BSDC1: variants seen among roughly 807,000 people sequenced by gnomAD.
The protein encoded by BSDC1 is BSD domain-containing protein 1.
A neutral mutation model predicts 56.0 loss-of-function variants in BSDC1; 29 were observed. The ratio of observed to expected loss-of-function variants is 0.52; its 90% CI spans 0.39 to 0.71. The LOEUF is 0.71. Ranked by LOEUF, BSDC1 falls within the 30% of genes least tolerant of loss-of-function variation. BSDC1 has a pLI of 0.00. For synonymous variants in BSDC1, 210 were observed against 215.3 expected, an observed-to-expected ratio of 0.98 and a Z score of 0.21; for missense variants, 477 against 548.5, an observed-to-expected ratio of 0.87 and a Z score of 1.30.
At position 32,378,364 on chromosome 1, in the gene BSDC1, C is replaced by A; in HGVS notation, c.529-81G>T. 1 of 1,403,554 alleles carries A rather than the reference C, an allele frequency of 7.1e-7. No homozygotes were observed. Among genetic ancestry groups the A allele is most frequent in the Non-Finnish European group, 1.0e-6 (1 of 995,788 alleles). The allele number at this position is 1,403,554 out of a possible 1,614,324, so 86.9% of individuals were successfully genotyped here. A position where few individuals can be genotyped will look rare whatever the true frequency, so the allele number is the denominator to read the frequency against. ...GTCCCCAGCCTTATCAGTCTATTCC[C>A]AGCCAGTCTGGATTTCAGACCCAGT... On this transcript the variant is annotated intron_variant, in intron 6 of 10. Coordinates refer to ENST00000455895, the MANE Select transcript of BSDC1 (RefSeq NM_018045.8). This position sits in a 1 kb window ranked among gnomAD's most constrained non-coding sequence, Gnocchi z 5.2.
intron 3 of BSDC1, among the ~76,000 whole-genome samples, chr1:32,385,771 T>A (rs769559280): frequency 1.3e-4 from 19 of 151,968 alleles, no homozygotes; most frequent in Non-Finnish European, 2.2e-4. Context: ...AGTAAGAAAA[T>A]AAGTTGGTAC....
chr1:32,391,254 A>G (rs1642855733), intron 2 of BSDC1, among the ~76,000 whole-genome samples: 1 of 149,670 alleles, frequency 6.7e-6, no homozygotes, highest in African/African-American at 2.6e-5. Flanking sequence ...GGCAAGCAGT[A>G]GGTAAAGCTG....
At chr1:32,389,729 G>A (rs559051003) in intron 2 of BSDC1, among the ~76,000 whole-genome samples, 6 of 152,078 alleles carry the variant, frequency 3.9e-5, no homozygotes, top group African/African-American at 1.2e-4. Context: ...GAGGCAGGAG[G>A]ATTGCTTGAG....
chr1:32,378,172 C>G lies in BSDC1; in HGVS notation c.597+43G>C. 6.2e-7 allele frequency: 1 copy of G among 1,610,934 alleles called. No homozygotes were observed. The highest frequency in any genetic ancestry group is 8.5e-7 in the Non-Finnish European group (1 of 1,177,106). ...TCTCTCAATAAATCCAGCCTGCTTC[C>G]CCCAGGGTTGAGTGGGGACCTCCCC... On this transcript the variant is annotated intron_variant, in intron 7 of 10. Transcript: ENST00000455895. The surrounding 1 kb of genome is among the most constrained non-coding windows in gnomAD (Gnocchi z 5.2).
chr1:32,381,334 C>A, intron 4 of BSDC1, 66 bp from the exon 5 acceptor site: 9 of 1,457,508 alleles, frequency 6.2e-6, no homozygotes, highest in Non-Finnish European at 8.6e-6. Context: ...CACCCTTTCT[C>A]TGCCAGGATA....
chr1:32,367,295 G>A (rs1442516033), intron 10 of BSDC1: 2 of 985,314 alleles, frequency 2.0e-6, no homozygotes, highest in African/African-American at 1.7e-5. Flanking sequence ...GAATGCTCAC[G>A]TGTACTGCAC....
At chr1:32,393,106 G>A (rs1307960143) in intron 2 of BSDC1, among the ~76,000 whole-genome samples, 1 of 152,214 alleles carries the variant, frequency 6.6e-6, no homozygotes, top group Non-Finnish European at 1.5e-5. Context: ...ACTTATTTAG[G>A]TGAGGTCAGA....
At chr1:32,370,333 G>C (rs926853609) in intron 9 of BSDC1, among the ~76,000 whole-genome samples, 3 of 152,092 alleles carry the variant, frequency 2.0e-5, no homozygotes, top group African/African-American at 7.2e-5. Context: ...TACATAATCA[G>C]ACTTAATATG....
rs368456990 is a variant in BSDC1, at chr1:32,378,000, A to G, written c.646T>C (p.Ser216Pro). Residue 216 changes from serine (S) to proline (P), a missense_variant, in exon 8 of 11, where the codon TCT becomes CCT. Ser to Pro is a moderately conservative substitution (Grantham distance 74, BLOSUM62 -1). Transcript: ENST00000455895. ...ALKQRAEQSI[S>P]EEPGWEEEEE... ...TCCTCCTCCCAGCCGGGCTCTTCAGAGATGCTCTGTTCCGCCCGCTGCTTC... is the reference window on the plus strand; with the variant it reads ...TCCTCCTCCCAGCCGGGCTCTTCAGGGATGCTCTGTTCCGCCCGCTGCTTC... The G allele has an allele frequency of 3.5e-5, 57 of 1,613,356 alleles. No homozygotes were observed. The highest frequency in any genetic ancestry group is 4.5e-5 in the Non-Finnish European group (53 of 1,179,730).
chr1:32,367,481 C>A (rs2148105129), intron 10 of BSDC1: 2 of 985,396 alleles, frequency 2.0e-6, no homozygotes, highest in African/African-American at 3.5e-5. Context: ...AAAAAGGAGG[C>A]CCTTCACATG....
In BSDC1 at chr1:32,393,988, G is replaced by T. The variant is rs147893817; in HGVS notation, c.72+92C>A. On this transcript the variant is annotated intron_variant, in intron 2 of 10. Coordinates refer to ENST00000455895, the MANE Select transcript of BSDC1 (RefSeq NM_018045.8). Reference sequence around the variant, plus strand: ...GTCAGCCTCATCCTTGAGACTTAGCGCCCGCAAAAGTTGGGCGGGGCTGGT... The same window carrying T: ...GTCAGCCTCATCCTTGAGACTTAGCTCCCGCAAAAGTTGGGCGGGGCTGGT... 115 of 1,332,596 alleles carry T rather than the reference G, an allele frequency of 8.6e-5. 1 individual carries two copies. The highest frequency in any genetic ancestry group is 7.2e-4 in the South Asian group (56 of 77,636). 82.5% of individuals were successfully genotyped at this position (1,332,596 alleles called of 1,614,324 possible). A position where few individuals can be genotyped will look rare whatever the true frequency, so the allele number is the denominator to read the frequency against.
chr1:32,368,800 G>T (rs1317824932), intron 9 of BSDC1, among the ~76,000 whole-genome samples: 1 of 152,070 alleles, frequency 6.6e-6, no homozygotes, highest in Non-Finnish European at 1.5e-5. Context: ...CCAGGTTCAA[G>T]CGATTCTCCT....
chr1:32,383,937 C>A lies in BSDC1; in HGVS notation c.250G>T (p.Val84Leu), dbSNP rs551508208. 6.8e-6 allele frequency: 11 copies of A among 1,612,872 alleles called. No homozygotes were observed. In the Admixed American group the frequency reaches 1.3e-4, roughly 20 times the overall value. ...MKKGLSDFLG[V>L]ISDTFAPSPD... ...GAAGGGGCAAAGGTGTCTGAGATCA[C>A]CCCTAGGAAGTCAGATAACCCTTTC... is the stretch of plus-strand genomic sequence containing the variant. Residue 84 changes from valine (V) to leucine (L), a missense_variant, in exon 4 of 11, where the codon GTG (valine) becomes TTG (leucine). Val to Leu is a conservative substitution (Grantham distance 32, BLOSUM62 1). Transcript: ENST00000455895.
chr1:32,379,311 TTTCCA>T (rs372336138), intron 5 of BSDC1, among the ~76,000 whole-genome samples: 4 of 152,294 alleles, frequency 2.6e-5, no homozygotes, highest in Admixed American at 6.5e-5. Context: ...TTTCCTTTCC[TTTCCA>T]TATCTCTCTG....
chr1:32,376,077 CAG>C (rs1642268793), intron 9 of BSDC1, among the ~76,000 whole-genome samples, 183 bp downstream of exon 9: 1 of 152,170 alleles, frequency 6.6e-6, no homozygotes, highest in African/African-American at 2.4e-5. Flanking sequence ...ATTCTTATTT[CAG>C]AGATGTTGTG....
chr1:32,369,028 A>T (rs1641969471), intron 9 of BSDC1, among the ~76,000 whole-genome samples: 1 of 152,114 alleles, frequency 6.6e-6, no homozygotes, highest in African/African-American at 2.4e-5. Context: ...TCTAAGGAAA[A>T]ATCTTGGATT....
intron 2 of BSDC1, chr1:32,393,827 T>C: frequency 4.0e-6 from 2 of 502,692 alleles, no homozygotes; most frequent in Non-Finnish European, 7.1e-6. Context: ...AAATTGCTCC[T>C]TCCTATGGAT....
In BSDC1 at chr1:32,383,947, G is replaced by A; in HGVS notation, c.240C>T (p.Asp80=). The A allele has an allele frequency of 6.2e-7, 1 of 1,613,094 alleles. No homozygotes were observed. Among genetic ancestry groups the A allele is most frequent in the Non-Finnish European group, 8.5e-7 (1 of 1,180,026 alleles). ...ATEKMKKGLS[D]FLGVISDTFA... ...AGGTGTCTGAGATCACCCCTAGGAAGTCAGATAACCCTTTCTTCATCTTCT... is the reference window on the plus strand; with the variant it reads ...AGGTGTCTGAGATCACCCCTAGGAAATCAGATAACCCTTTCTTCATCTTCT... The change falls in exon 4 of 11, where the codon GAC becomes GAT. Residue 80 remains aspartate (D), a synonymous_variant. Transcript: ENST00000455895.
At chr1:32,381,816 C>T (rs1033988825) in intron 4 of BSDC1, among the ~76,000 whole-genome samples, 1 of 152,182 alleles carries the variant, frequency 6.6e-6, no homozygotes, top group African/African-American at 2.4e-5. Flanking sequence ...AATTCACTGT[C>T]GTTATAGCTC....
Sources: gnomAD v4.1 joint callset for allele counts (sites outside exome capture counted in the v4.1 genomes callset) on GRCh38, gnomAD v4.1.1 for gene constraint, Gnocchi (gnomAD v3.1) non-coding constraint, MANE v1.5 for transcripts, NCBI Gene and HGNC (gene_info 2026-07-23, HGNC 2026-07-21) for gene names.